CNMD: variants seen among roughly 807,000 people sequenced by gnomAD.
CNMD encodes the protein leukocyte cell-derived chemotaxin 1.
Under a neutral mutation model 37.5 loss-of-function variants are expected in CNMD, and 30 were observed. The observed-to-expected ratio is 0.80, with a 90% CI of 0.60 to 1.09. CNMD has a LOEUF of 1.09. Ranked by LOEUF, CNMD falls within the 50% of genes least tolerant of loss-of-function variation. CNMD has a pLI of 0.00. For synonymous variants in CNMD, 167 were observed against 148.2 expected, an observed-to-expected ratio of 1.13 and a Z score of -0.92; for missense variants, 398 against 423.9, an observed-to-expected ratio of 0.94 and a Z score of 0.54.
In CNMD at chr13:52,733,298, A is replaced by G. The variant is rs1244274672; in HGVS notation, c.275T>C (p.Ile92Thr). 1.9e-6 allele frequency: 3 copies of G among 1,613,858 alleles called. No homozygotes were observed. Among genetic ancestry groups the G allele is most frequent in the Non-Finnish European group, 1.7e-6 (2 of 1,179,758 alleles). ...NGKLQDGSME[I>T]DAGNNLETFK... The stretch of plus-strand genomic sequence containing the variant: ...GGTCTCCAAGTTGTTCCCAGCGTCT[A>G]TTTCCATTGACCCATCTTGTAATTT... Residue 92 changes from isoleucine (I) to threonine (T), a missense_variant, in exon 3 of 7, where the codon ATA becomes ACA. Coordinates refer to ENST00000377962, the MANE Select transcript of CNMD (RefSeq NM_007015.3).
intron 4 of CNMD, among the ~76,000 whole-genome samples, chr13:52,721,004 G>T (rs1964473256): frequency 6.6e-6 from 1 of 152,222 alleles, no homozygotes; most frequent in South Asian, 2.1e-4. Context: ...CCTGCCTGGA[G>T]AGGAGGAATC....
intron 4 of CNMD, among the ~76,000 whole-genome samples, chr13:52,720,862 T>TG (rs1184262809): frequency 6.6e-6 from 1 of 152,210 alleles, no homozygotes; most frequent in African/African-American, 2.4e-5. Context: ...TCTTCAGAGC[T>TG]GGCAGGCAGG....
chr13:52,711,554 C>T (rs1964290519), intron 5 of CNMD, among the ~76,000 whole-genome samples: 2 of 152,174 alleles, frequency 1.3e-5, no homozygotes, highest in South Asian at 4.1e-4. Flanking sequence ...CAGCTACTGC[C>T]AGTGGCTTGT....
chr13:52,707,054 A>G (rs1964193048), intron 6 of CNMD, among the ~76,000 whole-genome samples: 1 of 151,982 alleles, frequency 6.6e-6, no homozygotes, highest in Non-Finnish European at 1.5e-5. Context: ...TCACTGTGCC[A>G]GCTAATTTTT....
At chr13:52,733,169 T>C in intron 3 of CNMD, 50 bp downstream of exon 3, 1 of 1,603,140 alleles carries the variant, frequency 6.2e-7, no homozygotes, top group South Asian at 1.1e-5. Flanking sequence ...ATTAGAAAAG[T>C]CCCGCAGGCT....
At position 52,723,670 on chromosome 13, in the gene CNMD, C is replaced by T. The variant is rs192273972; in HGVS notation, c.468+327G>A. 9.2e-5 allele frequency among the ~76,000 whole-genome samples: 14 copies of T among 152,204 alleles called. No individual in the cohort carries two copies. The East Asian group carries it at 2.7e-3, about 30-fold the overall frequency. On this transcript the variant is annotated intron_variant, in intron 4 of 6. Coordinates refer to ENST00000377962, the MANE Select transcript of CNMD (RefSeq NM_007015.3). ...TTAGGCTGGGCGCGGTGGCTCACTC[C>T]TATAATCCTGGCACTTTAGGAGGCC...
chr13:52,725,051 A>G (rs181599393), intron 3 of CNMD, among the ~76,000 whole-genome samples: 362 of 152,338 alleles, frequency 2.4e-3, no homozygotes, highest in Middle Eastern at 3.4e-3. Context: ...GCTGGGACAG[A>G]ATATGTTAGT....
intron 3 of CNMD, among the ~76,000 whole-genome samples, chr13:52,729,579 A>G (rs772633410): frequency 1.3e-5 from 2 of 152,180 alleles, no homozygotes; most frequent in Admixed American, 1.3e-4. Flanking sequence ...AGCTACTACT[A>G]TAAGTGTTTG....
In CNMD at chr13:52,722,466, G is replaced by A. The variant is rs145452079; in HGVS notation, c.468+1531C>T. On this transcript the variant is annotated intron_variant, in intron 4 of 6. Coordinates refer to ENST00000377962, the MANE Select transcript of CNMD (RefSeq NM_007015.3). ...TGATCATAATAAAATTAACAACAAT[G>A]AGCAGCAGCCATCTGTCAACCATCA... Among the ~76,000 whole-genome samples, 26 of 152,232 alleles carry A rather than the reference G, an allele frequency of 1.7e-4. No individual in the cohort carries two copies. In the East Asian group the frequency reaches 4.4e-3, roughly 26 times the overall value.
Position 52,724,077 on chromosome 13 carries a change from T to G in CNMD, c.388A>C (p.Lys130Gln), listed in dbSNP as rs140734619. 1.8e-3 allele frequency: 2,884 copies of G among 1,613,968 alleles called. 7 individuals carry two copies. Among genetic ancestry groups the G allele is most frequent in the Non-Finnish European group, 2.2e-3 (2,628 of 1,179,924 alleles). The change falls in exon 4 of 7, where the codon AAG (lysine) becomes CAG (glutamine). Residue 130 changes from lysine to glutamine, a missense_variant. Physicochemically the swap from Lys to Gln is moderately conservative, Grantham distance 53. Coordinates refer to ENST00000377962, the MANE Select transcript of CNMD (RefSeq NM_007015.3). ...TTCACTTGCGCTTTAATGTAGCACTTCTCTCCTCCAGCAAAACGAATTCCT... is the reference window on the plus strand; with the variant it reads ...TTCACTTGCGCTTTAATGTAGCACTGCTCTCCTCCAGCAAAACGAATTCCT... ...ITGIRFAGGE[K>Q]CYIKAQVKAR...
chr13:52,726,730 T>G (rs1436398529), intron 3 of CNMD, among the ~76,000 whole-genome samples: 1 of 151,782 alleles, frequency 6.6e-6, no homozygotes, highest in Non-Finnish European at 1.5e-5. Flanking sequence ...ACAATAATTC[T>G]CCAGCAACAG....
rs1033827428 is a variant in CNMD at position 52,739,482 on chromosome 13, G to A, written c.72+148C>T. On this transcript the variant is annotated intron_variant, in intron 1 of 6. Transcript: ENST00000377962. This position sits in a 1 kb window ranked among gnomAD's most constrained non-coding sequence, Gnocchi z 5.4. ...GTGACCCCTGCACACTCATACGCGT[G>A]GGGCGACATCCCACCCACACATTTG... is the stretch of plus-strand genomic sequence containing the variant. 2.0e-5 allele frequency: 15 copies of A among 756,494 alleles called. No homozygotes were observed. In the Admixed American group the frequency reaches 2.2e-4, roughly 11 times the overall value. 46.9% of individuals were successfully genotyped at this position (756,494 alleles called of 1,614,324 possible).
chr13:52,703,742 A>G lies in CNMD; in HGVS notation c.858T>C (p.Cys286=), dbSNP rs1214776003. 5 of 1,614,196 alleles carry G rather than the reference A, an allele frequency of 3.1e-6. No individual in the cohort carries two copies. The highest frequency in any genetic ancestry group is 1.1e-5 in the South Asian group (1 of 91,080). The change falls in exon 7 of 7, where the codon TGT becomes TGC. Residue 286 remains cysteine (C), a synonymous_variant. Transcript: ENST00000377962. ...TCTGGCAGTGGGTGTAGCTCCGCCT[A>G]CATTCTATACAACAGATTCCTTCGT... ...LDHEGICCIE[C]RRSYTHCQKI...
chr13:52,726,856 C>T (rs1964582150), intron 3 of CNMD, among the ~76,000 whole-genome samples: 1 of 151,928 alleles, frequency 6.6e-6, no homozygotes, highest in Non-Finnish European at 1.5e-5. Context: ...ATCAGAAAGA[C>T]AATTTAGGAT....
chr13:52,706,308 A>T (rs2138214920), intron 6 of CNMD, among the ~76,000 whole-genome samples: 1 of 152,296 alleles, frequency 6.6e-6, no homozygotes, highest in East Asian at 1.9e-4. Context: ...TCCTCCATTA[A>T]AATGTAAATC....
chr13:52,711,028 TTTTAA>T (rs1432522846), intron 5 of CNMD, among the ~76,000 whole-genome samples: 3 of 152,242 alleles, frequency 2.0e-5, no homozygotes, highest in Non-Finnish European at 4.4e-5. Flanking sequence ...AATTTTCTTA[TTTTAA>T]TTTAGTGTTT....
In CNMD at chr13:52,703,611, A is replaced by T; in HGVS notation, c.989T>A (p.Ile330Asn). ...IMPCSWWVAR[I>N]LGMV ...GAAGTGATTTCACACCATGCCCAAG[A>T]TACGGGCCACCCACCAGCTACATGG... The change falls in exon 7 of 7, where the codon ATC becomes AAC. Residue 330 changes from isoleucine (I) to asparagine (N), a missense_variant. Ile to Asn is a moderately radical substitution (Grantham distance 149). Transcript: ENST00000377962. 1 of 1,611,816 alleles carries T rather than the reference A, an allele frequency of 6.2e-7. No individual in the cohort carries two copies.
Position 52,703,666 on chromosome 13 carries a change from C to G in CNMD, c.934G>C (p.Gly312Arg). Reference protein sequence around the residue: ...GYYPWPYNYQGCRSACRVIMP... With the variant: ...GYYPWPYNYQRCRSACRVIMP... Reference sequence around the variant, plus strand: ...ATGACTCTGCAGGCCGAACGGCAGCCTTGATAATTATAAGGCCATGGGTAA... The same window carrying G: ...ATGACTCTGCAGGCCGAACGGCAGCGTTGATAATTATAAGGCCATGGGTAA... The change falls in exon 7 of 7, where the codon GGC becomes CGC. Residue 312 changes from glycine to arginine, a missense_variant. Gly to Arg is a moderately radical substitution (Grantham distance 125, BLOSUM62 -2). Coordinates refer to ENST00000377962, the MANE Select transcript of CNMD (RefSeq NM_007015.3). The G allele has an allele frequency of 1.2e-6, 2 of 1,614,176 alleles. No homozygotes were observed. Among genetic ancestry groups the G allele is most frequent in the South Asian group, 1.1e-5 (1 of 91,084 alleles).
intron 2 of CNMD, among the ~76,000 whole-genome samples, chr13:52,735,706 T>A (rs1964746506): frequency 6.6e-6 from 1 of 151,894 alleles, no homozygotes; most frequent in Non-Finnish European, 1.5e-5. Context: ...AATCTCATAA[T>A]GTTTTAAGAA....
Sources: allele counts gnomAD v4.1 joint callset (sites outside exome capture counted in the v4.1 genomes callset), GRCh38; gene constraint gnomAD v4.1.1; non-coding constraint Gnocchi (gnomAD v3.1); transcripts MANE v1.5; gene names NCBI Gene and HGNC (gene_info 2026-07-23, HGNC 2026-07-21).